The following DRC4 variants were observed in gnomAD, a reference collection of about 807,000 sequenced individuals.
DRC4 encodes the protein GAS-11.
the DRC4 span, chr16:90,029,477 A>T: frequency 1.1e-5 from 5 of 466,532 alleles, no homozygotes; most frequent in East Asian, 3.6e-4. Flanking sequence ...ACACCATGTG[A>T]GCCAAACAGA....
At chr16:90,033,626 A>C in the DRC4 span, among the ~76,000 whole-genome samples, 1 of 152,180 alleles carries the variant, frequency 6.6e-6, no homozygotes, top group Non-Finnish European at 1.5e-5. Flanking sequence ...GGATTGTGCC[A>C]CTGCATTCCA....
At chr16:90,027,274 G>T in the DRC4 span, among the ~76,000 whole-genome samples, 2 of 151,722 alleles carry the variant, frequency 1.3e-5, no homozygotes, top group African/African-American at 4.8e-5. Flanking sequence ...ATTTTTAGTA[G>T]AGATGGGGTT....
chr16:90,041,740 G>A, the DRC4 span, among the ~76,000 whole-genome samples: 25 of 151,946 alleles, frequency 1.6e-4, 1 homozygote, highest in African/African-American at 5.8e-4. Context: ...CGGAGGTTGC[G>A]GTGAGCCTAG....
At chr16:90,029,519 A>C in the DRC4 span, 1 of 375,616 alleles carries the variant, frequency 2.7e-6, no homozygotes, top group South Asian at 2.2e-5. Context: ...GGCTCTGCCC[A>C]GGAGCCTCTA....
chr16:90,043,335 C>T, the DRC4 span: 16 of 1,595,198 alleles, frequency 1.0e-5, no homozygotes, highest in Non-Finnish European at 1.4e-5. Context: ...CTGGTGGGCA[C>T]CCCGACGTAG....
At chr16:90,033,982 G>T in the DRC4 span, among the ~76,000 whole-genome samples, 1 of 151,826 alleles carries the variant, frequency 6.6e-6, no homozygotes, top group East Asian at 2.0e-4. Flanking sequence ...CTCGAAAGCC[G>T]TGGTGGGGAC....
the DRC4 span, chr16:90,035,766 G>A: frequency 2.5e-6 from 4 of 1,613,300 alleles, no homozygotes; most frequent in African/African-American, 1.3e-5. Context: ...TCCAGAGCTT[G>A]TTAACTCAGG....
the DRC4 span, chr16:90,036,118 A>C: frequency 1.7e-6 from 1 of 574,544 alleles, no homozygotes. Flanking sequence ...GCTGACATTC[A>C]GCTGTTGGCA....
the DRC4 span, among the ~76,000 whole-genome samples, chr16:90,027,136 A>G: frequency 1.4e-5 from 2 of 145,642 alleles, no homozygotes; most frequent in Non-Finnish European, 3.0e-5. Context: ...TCCTGGCTGG[A>G]GTGCAGTGGT....
the DRC4 span, chr16:90,033,073 T>A: frequency 1.3e-6 from 1 of 776,632 alleles, no homozygotes; most frequent in South Asian, 1.8e-5. Context: ...AAAAAAAATT[T>A]TTTAAAGCAT....
chr16:90,029,060 C>T, the DRC4 span: 2 of 1,228,382 alleles, frequency 1.6e-6, no homozygotes, highest in Non-Finnish European at 1.0e-6. Flanking sequence ...GTTGTCCCAG[C>T]ATGTGAGCTG....
the DRC4 span, chr16:90,040,417 G>A: frequency 1.1e-5 from 18 of 1,612,310 alleles, no homozygotes; most frequent in African/African-American, 9.3e-5. Flanking sequence ...TCTGAGCGCC[G>A]CTGTGGAGAA....
chr16:90,039,296 T>C, the DRC4 span, among the ~76,000 whole-genome samples: 1 of 152,242 alleles, frequency 6.6e-6, no homozygotes, highest in African/African-American at 2.4e-5. Flanking sequence ...GTGTCCAAGC[T>C]GGTGTCTCTT....
the DRC4 span, chr16:90,027,954 G>C: frequency 1.9e-6 from 1 of 531,630 alleles, no homozygotes; most frequent in East Asian, 3.0e-5. Context: ...TGGTAGGAGT[G>C]TGGAAGGACA....
chr16:90,020,436 C>T, the DRC4 span, among the ~76,000 whole-genome samples: 1 of 152,176 alleles, frequency 6.6e-6, no homozygotes, highest in Non-Finnish European at 1.5e-5. Context: ...TAGTGGGTGG[C>T]AGGAAGCATC....
At chr16:90,021,875 A>AAAAGC in the DRC4 span, among the ~76,000 whole-genome samples, 3 of 55,418 alleles carry the variant, frequency 5.4e-5, no homozygotes, top group African/African-American at 2.3e-4. Context: ...AAAAAAAAAA[A>AAAAGC]AGCACCTGTT....
the DRC4 span, chr16:90,035,510 G>C: frequency 1.6e-6 from 2 of 1,265,536 alleles, no homozygotes; most frequent in South Asian, 1.2e-5. Flanking sequence ...GGTGACTTTA[G>C]TTGAGGGAGG....
the DRC4 span, chr16:90,029,705 G>T: frequency 5.0e-6 from 1 of 201,972 alleles, no homozygotes; most frequent in Non-Finnish European, 1.1e-5. Flanking sequence ...TCCCTGTGGG[G>T]AATGTGGTGT....
the DRC4 span, among the ~76,000 whole-genome samples, chr16:90,028,378 C>T: frequency 7.9e-5 from 12 of 151,378 alleles, no homozygotes; most frequent in East Asian, 1.6e-3. Flanking sequence ...TTAGTAGAGA[C>T]GGGGTTTCAC....
Sources: allele counts gnomAD v4.1 joint callset (sites outside exome capture counted in the v4.1 genomes callset), GRCh38; gene constraint gnomAD v4.1.1; transcripts MANE v1.5; gene names NCBI Gene and HGNC (gene_info 2026-07-23, HGNC 2026-07-21).